PAWR: variants seen among roughly 807,000 people sequenced by gnomAD.
PAWR encodes pro-apoptotic WT1 regulator.
Under a neutral mutation model 32.0 loss-of-function variants are expected in PAWR, and 23 were observed. The observed-to-expected ratio is 0.72, with a 90% CI of 0.52 to 1.02. The LOEUF (loss-of-function observed/expected upper bound fraction) is 1.02. Among genes scored for constraint, PAWR ranks in the 50% least tolerant of loss-of-function variants. PAWR has a pLI of 0.00. For synonymous variants in PAWR, 226 were observed against 187.1 expected (o/e 1.21, Z -1.70); for missense variants, 457 against 437.7 (o/e 1.04, Z -0.39).
intron 2 of PAWR, among the ~76,000 whole-genome samples, chr12:79,661,024 T>G (rs1592539003): frequency 6.6e-6 from 1 of 151,710 alleles, no homozygotes; most frequent in Non-Finnish European, 1.5e-5. Context: ...TCCCAGCACT[T>G]TGGGAGGCCG....
chr12:79,584,937 G>C lies in PAWR; in HGVS notation c.*7670C>G, dbSNP rs974797631. The C allele has an allele frequency of 5.1e-6, 1 of 197,514 alleles. No individual in the cohort carries two copies. The highest frequency in any genetic ancestry group is 7.7e-5 in the South Asian group (1 of 13,056). 12.2% of individuals were successfully genotyped at this position (197,514 alleles called of 1,614,324 possible). On this transcript the variant is annotated 3_prime_UTR_variant, in exon 7 of 7. Transcript: ENST00000328827. ...CAAGTCTTAAAAGTTTGATGAAAGC[G>C]CATTATTGTTACCAAAAGTCTTCAG...
intron 2 of PAWR, among the ~76,000 whole-genome samples, chr12:79,648,195 T>A (rs192543886): frequency 3.7e-4 from 56 of 152,162 alleles, no homozygotes; most frequent in African/African-American, 1.3e-3. Flanking sequence ...ATCCATAAAG[T>A]AAATAAAATG....
rs116497407 is a variant in PAWR, at chr12:79,585,299, G to A, written c.*7308C>T. On this transcript the variant is annotated 3_prime_UTR_variant, in exon 7 of 7. Transcript: ENST00000328827. ...GGCCTGCATCAAAATTACATGAAGC[G>A]CTTGTTAAAACAGATTGAGCCCCAT... 7 of 302,598 alleles carry A rather than the reference G, an allele frequency of 2.3e-5. No individual in the cohort carries two copies. Among genetic ancestry groups the A allele is most frequent in the East Asian group, 1.9e-4 (2 of 10,356 alleles). 18.7% of individuals were successfully genotyped at this position (302,598 alleles called of 1,614,324 possible). A position where few individuals can be genotyped will look rare whatever the true frequency, so the allele number is the denominator to read the frequency against.
At chr12:79,681,528 CATG>C (rs1878446956) in intron 2 of PAWR, among the ~76,000 whole-genome samples, 1 of 152,130 alleles carries the variant, frequency 6.6e-6, no homozygotes, top group African/African-American at 2.4e-5. Context: ...TAAAAATACT[CATG>C]ATGAGTGGTT....
Position 79,594,356 on chromosome 12 carries a change from G to T in PAWR, c.909C>A (p.Leu303=). 6.5e-7 allele frequency: 1 copy of T among 1,542,462 alleles called. No individual in the cohort carries two copies. The highest frequency in any genetic ancestry group is 8.9e-7 in the Non-Finnish European group (1 of 1,124,676). The change falls in exon 6 of 7, where the codon CTC becomes CTA. Residue 303 remains leucine (L), a synonymous_variant. Coordinates refer to ENST00000328827, the MANE Select transcript of PAWR (RefSeq NM_002583.4). ...MQDKEEMIGK[L]KEEIDLLNRD... is the part of the protein sequence containing the mutation. ...TATTTAATAAATCAATTTCTTCTTT[G>T]AGTTTTCCAATCATTTCCTCTTTAT...
chr12:79,607,634 C>A (rs1048467078), intron 4 of PAWR, among the ~76,000 whole-genome samples: 1 of 151,334 alleles, frequency 6.6e-6, no homozygotes, highest in Non-Finnish European at 1.5e-5. Flanking sequence ...GAGGCCAAAG[C>A]TGGAGGATCA....
chr12:79,651,349 CA>C (rs1179497868), intron 2 of PAWR, among the ~76,000 whole-genome samples: 1 of 151,838 alleles, frequency 6.6e-6, no homozygotes, highest in Admixed American at 6.6e-5. Flanking sequence ...ATGCAATCTC[CA>C]AAAAAAGTAA....
intron 4 of PAWR, among the ~76,000 whole-genome samples, chr12:79,600,133 C>T (rs1426958757): frequency 6.6e-6 from 1 of 152,160 alleles, no homozygotes; most frequent in Admixed American, 6.5e-5. Flanking sequence ...ACATAGGACA[C>T]ATAATACTTT....
At position 79,590,684 on chromosome 12, in the gene PAWR, T is replaced by G. The variant is rs922735553; in HGVS notation, c.*1923A>C. 1.3e-5 allele frequency: 2 copies of G among 152,188 alleles called. No individual in the cohort carries two copies. Among genetic ancestry groups the G allele is most frequent in the Non-Finnish European group, 2.9e-5 (2 of 68,032 alleles). 9.4% of individuals were successfully genotyped at this position (152,188 alleles called of 1,614,324 possible). ...TGACGAACTAGGCAATAAGGACATGTGTGCCACATAACTAAGGGTAACTAA... is the reference window on the plus strand; with the variant it reads ...TGACGAACTAGGCAATAAGGACATGGGTGCCACATAACTAAGGGTAACTAA... On this transcript the variant is annotated 3_prime_UTR_variant, in exon 7 of 7. Transcript: ENST00000328827.
intron 3 of PAWR, among the ~76,000 whole-genome samples, chr12:79,616,010 T>C (rs1488354220): frequency 2.2e-5 from 3 of 139,402 alleles, no homozygotes; most frequent in Non-Finnish European, 4.5e-5. Context: ...TGAGCTGAGA[T>C]CACACTACTA....
intron 2 of PAWR, among the ~76,000 whole-genome samples, chr12:79,656,184 T>C (rs1315328526): frequency 1.3e-5 from 2 of 152,204 alleles, no homozygotes; most frequent in African/African-American, 4.8e-5. Flanking sequence ...TAAACCACCT[T>C]AAATATATTT....
intron 5 of PAWR, 89 bp downstream of exon 5, chr12:79,596,422 T>C (rs1358597456): frequency 1.5e-6 from 1 of 653,160 alleles, no homozygotes; most frequent in African/African-American, 1.9e-5. Context: ...TTAAGGAATA[T>C]TATTTCCTTT....
intron 2 of PAWR, among the ~76,000 whole-genome samples, chr12:79,645,947 A>G (rs1286233076): frequency 6.6e-6 from 1 of 152,204 alleles, no homozygotes; most frequent in Non-Finnish European, 1.5e-5. Flanking sequence ...ATGTAACTTT[A>G]GGCATGTCCC....
intron 2 of PAWR, 30 bp downstream of exon 2, chr12:79,689,699 C>T: frequency 6.5e-7 from 1 of 1,530,908 alleles, no homozygotes; most frequent in Non-Finnish European, 8.7e-7. Context: ...CGCCCCGGCC[C>T]GGTCCGGCTG....
rs1190978680 is a variant in PAWR at position 79,632,296 on chromosome 12, C to CATAT, written c.517-11093_517-11090dup. On this transcript the variant is annotated intron_variant, in intron 2 of 6. Transcript: ENST00000328827. ...TAGAGTCCAGAAATAGAAATATATACATATATATATACATACATATATATA... is the reference window on the plus strand; with the variant it reads ...TAGAGTCCAGAAATAGAAATATATACATATATATATATATACATACATATATATA... 9.5e-4 allele frequency: 35 copies of CATAT among 36,770 alleles called. 6 individuals are homozygous for CATAT. The highest frequency in any genetic ancestry group is 7.6e-3 in the East Asian group (8 of 1,054). 2.3% of individuals were successfully genotyped at this position (36,770 alleles called of 1,614,324 possible). A position where few individuals can be genotyped will look rare whatever the true frequency, so the allele number is the denominator to read the frequency against.
At position 79,669,443 on chromosome 12, in the gene PAWR, G is replaced by T. The variant is rs1262315467; in HGVS notation, c.516+20286C>A. ...ATCTTATATCTTGATTATTGGTTTG[G>T]GACATATGATTTTCGTATCTGCAGA... is the stretch of plus-strand genomic sequence containing the variant. On this transcript the variant is annotated intron_variant, in intron 2 of 6. Transcript: ENST00000328827. Among the ~76,000 whole-genome samples, 3 of 151,574 alleles carry T rather than the reference G, an allele frequency of 2.0e-5. No homozygotes were observed. The East Asian group carries it at 5.8e-4, about 29-fold the overall frequency.
chr12:79,639,227 A>G (rs1262922273), intron 2 of PAWR, among the ~76,000 whole-genome samples: 1 of 151,640 alleles, frequency 6.6e-6, no homozygotes, highest in Non-Finnish European at 1.5e-5. Context: ...TTAGCTTTCA[A>G]TACTGTTTCA....
chr12:79,653,668 G>A (rs529500333), intron 2 of PAWR, among the ~76,000 whole-genome samples: 3 of 151,674 alleles, frequency 2.0e-5, no homozygotes, highest in East Asian at 3.9e-4. Context: ...TAGTAGAGAC[G>A]GGGTTTCTCC....
At chr12:79,618,301 G>C (rs1480869342) in intron 3 of PAWR, among the ~76,000 whole-genome samples, 1 of 151,926 alleles carries the variant, frequency 6.6e-6, no homozygotes, top group Non-Finnish European at 1.5e-5. Context: ...GCTAATTGTT[G>C]TATTTTTAGA....
Sources: allele counts gnomAD v4.1 joint callset (sites outside exome capture counted in the v4.1 genomes callset), GRCh38; gene constraint gnomAD v4.1.1; transcripts MANE v1.5; gene names NCBI Gene and HGNC (gene_info 2026-07-23, HGNC 2026-07-21).